POLR3A: variants seen among roughly 807,000 people sequenced by gnomAD.
POLR3A encodes the protein RNA polymerase III subunit A.
POLR3A carries 112 observed loss-of-function variants against 152.8 expected under a neutral mutation model. The observed-to-expected ratio is 0.73, with a 90% CI of 0.63 to 0.86. The LOEUF (loss-of-function observed/expected upper bound fraction) is 0.86, where lower values mean the gene tolerates loss of function less well. Ranked by LOEUF, POLR3A falls within the 40% of genes least tolerant of loss-of-function variation. The pLI is 0.00. For synonymous variants in POLR3A, 615 were observed against 652.1 expected (o/e 0.94, Z 0.87); for missense variants, 1,385 against 1,743.1 (o/e 0.79, Z 3.66).
chr10:78,006,485 C>A (rs10824589), intron 15 of POLR3A, among the ~76,000 whole-genome samples: 1 of 143,922 alleles, frequency 6.9e-6, no homozygotes, highest in African/African-American at 2.5e-5. Flanking sequence ...AAATACATGA[C>A]AGTGATAAAA....
At chr10:77,999,730 T>C (rs1261428899) in intron 19 of POLR3A, among the ~76,000 whole-genome samples, 1 of 152,236 alleles carries the variant, frequency 6.6e-6, no homozygotes, top group African/African-American at 2.4e-5. Context: ...CTTCCATCCA[T>C]GTTCTCCTCT....
At chr10:78,025,553 G>C (rs1195029140) in intron 3 of POLR3A, 69 bp downstream of exon 3, 5 of 1,538,414 alleles carry the variant, frequency 3.3e-6, no homozygotes, top group Non-Finnish European at 4.5e-6. Context: ...CAGTTCCTAA[G>C]TTCATTCCAG....
rs1306810500 is a variant in POLR3A at position 77,981,541 on chromosome 10, T to C, written c.3778A>G (p.Ile1260Val). ...ATGATCGTTGTCCGGGCGGCCTCGATGCCCAGAGTTTTCTCCACCTACAGA... is the reference window on the plus strand; with the variant it reads ...ATGATCGTTGTCCGGGCGGCCTCGACGCCCAGAGTTTTCTCCACCTACAGA... The part of the protein sequence containing the change: ...NTYEVEKTLG[I>V]EAARTTIINE... Residue 1260 changes from isoleucine to valine, a missense_variant, in exon 29 of 31, where the codon ATC (isoleucine) becomes GTC (valine). Physicochemically the swap from Ile to Val is conservative, Grantham distance 29. Transcript: ENST00000372371. 15 of 1,613,932 alleles carry C rather than the reference T, an allele frequency of 9.3e-6. No individual in the cohort carries two copies. The highest frequency in any genetic ancestry group is 1.7e-5 in the Admixed American group (1 of 60,000).
Position 78,019,214 on chromosome 10 carries a change from CAG to C in POLR3A, c.1235_1236del (p.Pro412ArgfsTer36). ...ATGAAGTTTGCTCCTGGGTGAACCT[CAG>C]GGCCGTTTTGAACCAGTTTCCTCAA... Reference protein sequence around the residue: ...NFLRKLVQNGPEVHPGANFIQ... With the variant: ...NFLRKLVQNGXEVHPGANFIQ... On this transcript the variant is annotated frameshift_variant, in exon 9 of 31. Coordinates refer to ENST00000372371, the MANE Select transcript of POLR3A (RefSeq NM_007055.4). LOFTEE classifies it high-confidence loss of function. 1 of 1,614,078 alleles carries C rather than the reference CAG, an allele frequency of 6.2e-7. No homozygotes were observed. The highest frequency in any genetic ancestry group is 1.7e-5 in the Admixed American group (1 of 60,016).
rs890755853 is a variant in POLR3A, at chr10:78,021,855, C to A, written c.1048+5G>T. The A allele has an allele frequency of 8.7e-6, 14 of 1,613,296 alleles. No individual in the cohort carries two copies. Among genetic ancestry groups the A allele is most frequent in the Non-Finnish European group, 1.2e-5 (14 of 1,180,022 alleles). Reference sequence around the variant, plus strand: ...TGGCTTCTGCACATCTTGTGGGAAACCTACCCTGTTTTCCCTTCAGGCGTT... The same window carrying A: ...TGGCTTCTGCACATCTTGTGGGAAAACTACCCTGTTTTCCCTTCAGGCGTT... On this transcript the variant is annotated splice_donor_5th_base_variant and intron_variant, in intron 7 of 30. Coordinates refer to ENST00000372371, the MANE Select transcript of POLR3A (RefSeq NM_007055.4).
intron 21 of POLR3A, 55 bp from the exon 22 acceptor site, chr10:77,986,214 A>G (rs1250352151): frequency 5.6e-6 from 5 of 898,490 alleles, no homozygotes; most frequent in African/African-American, 1.6e-5. Context: ...TGCAGATGAC[A>G]TAATTCATTT....
chr10:78,010,409 A>G, intron 12 of POLR3A, 62 bp downstream of exon 12: 1 of 1,229,936 alleles, frequency 8.1e-7, no homozygotes. Flanking sequence ...ATGAATCACT[A>G]TGAACGAGGA....
chr10:78,010,433 G>A, intron 12 of POLR3A, 38 bp downstream of exon 12: 1 of 1,430,446 alleles, frequency 7.0e-7, no homozygotes, highest in Non-Finnish European at 9.9e-7. Context: ...CTGTGTTCCA[G>A]TCAGAAATCT....
intron 26 of POLR3A, among the ~76,000 whole-genome samples, chr10:77,983,330 G>C (rs1847166964): frequency 6.6e-6 from 1 of 152,222 alleles, no homozygotes; most frequent in African/African-American, 2.4e-5. Flanking sequence ...ATATGAACTT[G>C]ATGCGTGAGA....
In POLR3A at chr10:77,982,306, C is replaced by T; in HGVS notation, c.3607G>A (p.Gly1203Ser). 6.2e-7 allele frequency: 1 copy of T among 1,614,030 alleles called. No individual in the cohort carries two copies. Among genetic ancestry groups the T allele is most frequent in the Non-Finnish European group, 8.5e-7 (1 of 1,179,994 alleles). ...KEDLPKVVVQ[G>S]IPEVSRAVIH... The stretch of plus-strand genomic sequence containing the variant: ...ACAGCTCTGGACACCTCTGGAATGC[C>T]CTGCACCACCACCTGGATTCAGAGA... The change falls in exon 28 of 31, where the codon GGC (glycine) becomes AGC (serine). Residue 1203 changes from glycine to serine, a missense_variant. Around this residue, in one of 7 missense-constraint regions of POLR3A, gnomAD observed 332 missense variants for 400.1 expected, o/e 0.83. Coordinates refer to ENST00000372371, the MANE Select transcript of POLR3A (RefSeq NM_007055.4).
At chr10:77,994,065 CA>C (rs1240643856) in intron 19 of POLR3A, among the ~76,000 whole-genome samples, 3 of 152,086 alleles carry the variant, frequency 2.0e-5, no homozygotes, top group Non-Finnish European at 2.9e-5. Context: ...AAAGTAAAGA[CA>C]AAAAAATTAA....
intron 26 of POLR3A, 85 bp from the exon 27 acceptor site, chr10:77,982,902 A>G: frequency 7.4e-7 from 1 of 1,348,202 alleles, no homozygotes; most frequent in South Asian, 1.2e-5. Flanking sequence ...AAGTCCTTTT[A>G]GTCAGGTTTG....
At chr10:77,989,923 A>G (rs1450350372) in intron 21 of POLR3A, among the ~76,000 whole-genome samples, 2 of 152,244 alleles carry the variant, frequency 1.3e-5, no homozygotes, top group African/African-American at 4.8e-5. Flanking sequence ...TCTTGATTTT[A>G]AAATCTGGAA....
chr10:77,991,317 T>C (rs1847245991), intron 20 of POLR3A, 150 bp from the exon 21 acceptor site: 2 of 678,472 alleles, frequency 2.9e-6, no homozygotes, highest in African/African-American at 1.8e-5. Context: ...TTGTGGACTC[T>C]ACCTTTCATG....
intron 8 of POLR3A, chr10:78,020,102 A>T (rs1388740119): frequency 7.0e-6 from 1 of 142,202 alleles, no homozygotes; most frequent in Non-Finnish European, 1.5e-5. Flanking sequence ...TGAACCCAGG[A>T]GGTGGAGGTT....
rs148146557 is a variant in POLR3A at position 77,977,550 on chromosome 10, G to A, written c.4101C>T (p.Asp1367=). The change falls in exon 31 of 31, where the codon GAC becomes GAT. Residue 1367 remains aspartate (D), a synonymous_variant. Transcript: ENST00000372371. The part of the protein sequence containing the change: ...TGLFKLLHKA[D]RDPNPPKRPL... ...GCCTCTTGGGAGGGTTCGGGTCCCT[G>A]TCAGCCTTGTGAAGCAGCTTGAAGA... 56 of 1,613,996 alleles carry A rather than the reference G, an allele frequency of 3.5e-5. No individual in the cohort carries two copies. The African/African-American group carries it at 7.1e-4, about 20-fold the overall frequency.
intron 7 of POLR3A, 22 bp downstream of exon 7, chr10:78,021,838 G>T: frequency 1.2e-6 from 2 of 1,613,000 alleles, no homozygotes; most frequent in Non-Finnish European, 1.7e-6. Flanking sequence ...GCTGGCTTCT[G>T]CACATCTTGT....
rs963685552 is a variant in POLR3A at position 78,013,924 on chromosome 10, T to C, written c.1432-134A>G. The C allele has an allele frequency of 2.1e-5, 21 of 995,200 alleles. No homozygotes were observed. The African/African-American group carries it at 3.0e-4, about 14-fold the overall frequency. The allele number at this position is 995,200 out of a possible 1,614,324, so 61.6% of individuals were successfully genotyped here. A position where few individuals can be genotyped will look rare whatever the true frequency, so the allele number is the denominator to read the frequency against. On this transcript the variant is annotated intron_variant, in intron 10 of 30. Coordinates refer to ENST00000372371, the MANE Select transcript of POLR3A (RefSeq NM_007055.4). ...TTAAGAAAGTAGATTTCCAGTATGT[T>C]CTGTCAAGTGATATATATCATTTAG...
chr10:77,976,892 C>T lies in POLR3A; in HGVS notation c.*586G>A, dbSNP rs759187201. ...TTGCTTAAACCAGTTTTTCCAGTGA[C>T]GCTTACATGCTGACTTTCTTGGTTT... On this transcript the variant is annotated 3_prime_UTR_variant, in exon 31 of 31. Coordinates refer to ENST00000372371, the MANE Select transcript of POLR3A (RefSeq NM_007055.4). 3.4e-4 allele frequency: 53 copies of T among 154,304 alleles called. No individual in the cohort carries two copies. Among genetic ancestry groups the T allele is most frequent in the Non-Finnish European group, 5.6e-4 (39 of 69,444 alleles). The allele number at this position is 154,304 out of a possible 1,614,324, so 9.6% of individuals were successfully genotyped here.
Sources: gnomAD v4.1 joint callset for allele counts (sites outside exome capture counted in the v4.1 genomes callset) on GRCh38, gnomAD v4.1.1 for gene constraint, gnomAD v4.1.1 regional missense constraint, MANE v1.5 for transcripts, NCBI Gene and HGNC (gene_info 2026-07-23, HGNC 2026-07-21) for gene names.